The following ASTN1 variants were observed in gnomAD, a reference collection of about 807,000 sequenced individuals.
The protein encoded by ASTN1 is astrotactin-1.
In ASTN1, 41 loss-of-function variants were observed where a neutral mutation model predicts 140.7. The observed-to-expected ratio is 0.29, with a 90% CI of 0.23 to 0.38. The LOEUF (loss-of-function observed/expected upper bound fraction) is 0.38. Ranked by LOEUF, ASTN1 falls within the 10% of genes least tolerant of loss-of-function variation. ASTN1 has a pLI of 1.00. For missense variants in ASTN1, 1,479 were observed against 1,678.8 expected (o/e 0.88, Z 2.08); for synonymous variants, 640 against 652.2 (o/e 0.98, Z 0.29).
chr1:176,906,665 C>T (rs1270177905), intron 16 of ASTN1, among the ~76,000 whole-genome samples: 1 of 151,740 alleles, frequency 6.6e-6, no homozygotes, highest in Non-Finnish European at 1.5e-5. Context: ...ACCAGCCTGG[C>T]CGACAAGGTA....
At chr1:177,159,954 T>C (rs146076656) in intron 1 of ASTN1, among the ~76,000 whole-genome samples, 48 of 152,326 alleles carry the variant, frequency 3.2e-4, no homozygotes, top group African/African-American at 1.0e-3. Flanking sequence ...TAACTATTTT[T>C]TGATAAAGTT....
intron 11 of ASTN1, 63 bp from the exon 12 acceptor site, chr1:176,949,414 T>C: frequency 6.5e-7 from 1 of 1,536,104 alleles, no homozygotes; most frequent in Non-Finnish European, 8.8e-7. Flanking sequence ...CTCTGGGAAC[T>C]GAGTGTAACC....
intron 8 of ASTN1, among the ~76,000 whole-genome samples, chr1:176,996,732 G>A (rs545934609): frequency 6.6e-6 from 1 of 152,258 alleles, no homozygotes; most frequent in African/African-American, 2.4e-5. Context: ...CTTTGATGAT[G>A]TGCTCTCCCT....
intron 1 of ASTN1, among the ~76,000 whole-genome samples, chr1:177,122,091 A>T (rs1681417515): frequency 6.6e-6 from 1 of 152,166 alleles, no homozygotes; most frequent in African/African-American, 2.4e-5. Context: ...TAAAAAAGAG[A>T]TCGATGGGGA....
chr1:176,916,131 T>A (rs75737600), intron 16 of ASTN1, among the ~76,000 whole-genome samples: 3,816 of 152,320 alleles, frequency 0.025, 167 homozygotes, highest in African/African-American at 0.086. Context: ...CTAGGTCAGA[T>A]GACTGAGTCC....
At chr1:176,917,112 G>C (rs1670520288) in intron 16 of ASTN1, among the ~76,000 whole-genome samples, 2 of 152,204 alleles carry the variant, frequency 1.3e-5, no homozygotes, top group Admixed American at 6.5e-5. Flanking sequence ...GCCCCATCCA[G>C]ATCTGGAGCC....
chr1:176,986,042 C>T (rs947402950), intron 8 of ASTN1, among the ~76,000 whole-genome samples: 16 of 152,222 alleles, frequency 1.1e-4, no homozygotes, highest in East Asian at 3.9e-4. Context: ...CTGCCTCCTG[C>T]GCCCGCCTCT....
intron 1 of ASTN1, among the ~76,000 whole-genome samples, chr1:177,162,497 G>C (rs1415620424): frequency 6.6e-6 from 1 of 152,222 alleles, no homozygotes; most frequent in East Asian, 1.9e-4. Context: ...TTTGCACAGA[G>C]GTGCAGAAAA....
intron 11 of ASTN1, among the ~76,000 whole-genome samples, chr1:176,950,911 CT>C (rs1159726839): frequency 1.3e-5 from 2 of 152,126 alleles, no homozygotes; most frequent in Admixed American, 6.5e-5. Flanking sequence ...CTGGTTTGCA[CT>C]TTCTCTTTGC....
chr1:177,115,860 T>C (rs1205228994), intron 1 of ASTN1, among the ~76,000 whole-genome samples: 2 of 152,188 alleles, frequency 1.3e-5, no homozygotes, highest in Non-Finnish European at 2.9e-5. Context: ...CCGATGTATC[T>C]ACACACGCAA....
At chr1:176,950,333 C>T (rs1298469849) in intron 11 of ASTN1, among the ~76,000 whole-genome samples, 6 of 152,168 alleles carry the variant, frequency 3.9e-5, no homozygotes, top group African/African-American at 1.2e-4. Flanking sequence ...CTGCTCCTGG[C>T]AGAACCATGC....
intron 16 of ASTN1, among the ~76,000 whole-genome samples, chr1:176,933,458 A>C (rs1455394822): frequency 6.6e-6 from 1 of 152,228 alleles, no homozygotes; most frequent in Non-Finnish European, 1.5e-5. Context: ...CATGAATGGC[A>C]ATTCTAAAGC....
chr1:177,096,113 T>A (rs891053828), intron 1 of ASTN1, among the ~76,000 whole-genome samples: 1 of 152,204 alleles, frequency 6.6e-6, no homozygotes, highest in African/African-American at 2.4e-5. Context: ...AAAATGTCTA[T>A]CCTATACTTA....
chr1:177,149,172 A>AATATATATAGTGTATATATAGTAAAT (rs1229362148), intron 1 of ASTN1, among the ~76,000 whole-genome samples: 1 of 94,098 alleles, frequency 1.1e-5, no homozygotes, highest in Non-Finnish European at 1.7e-5. Context: ...ATATATAGTA[A>AATATATATAGTGTATATATAGTAAAT]ATATATAGTG....
intron 21 of ASTN1, among the ~76,000 whole-genome samples, chr1:176,869,443 A>G (rs1467231443): frequency 1.3e-5 from 2 of 152,236 alleles, no homozygotes; most frequent in Non-Finnish European, 2.9e-5. Context: ...TTTTCTAAAA[A>G]GACCTAGCTT....
Position 176,861,310 on chromosome 1 carries a change from C to T in ASTN1, c.*2974G>A. Reference sequence around the variant, plus strand: ...AAACTCCATGGAAAACGATTGCACACTCAATTAAAAGTCTAATGCTATTAC... The same window carrying T: ...AAACTCCATGGAAAACGATTGCACATTCAATTAAAAGTCTAATGCTATTAC... On this transcript the variant is annotated 3_prime_UTR_variant, in exon 23 of 23. Coordinates refer to ENST00000361833, the MANE Select transcript of ASTN1 (RefSeq NM_004319.3). The T allele has an allele frequency of 4.1e-6, 4 of 985,742 alleles. No individual in the cohort carries two copies. Among genetic ancestry groups the T allele is most frequent in the Non-Finnish European group, 4.8e-6 (4 of 829,916 alleles). 61.1% of individuals were successfully genotyped at this position (985,742 alleles called of 1,614,324 possible).
At chr1:176,999,458 A>G (rs991014219) in intron 8 of ASTN1, among the ~76,000 whole-genome samples, 2 of 152,250 alleles carry the variant, frequency 1.3e-5, no homozygotes, top group African/African-American at 4.8e-5. Context: ...GAAATGGACT[A>G]GATGGAAATA....
At chr1:176,945,072 A>T (rs1404463903) in intron 13 of ASTN1, among the ~76,000 whole-genome samples, 1 of 152,160 alleles carries the variant, frequency 6.6e-6, no homozygotes, top group Admixed American at 6.5e-5. Context: ...ATCTCCCAGA[A>T]AATATTTTCC....
intron 1 of ASTN1, among the ~76,000 whole-genome samples, chr1:177,108,667 T>C (rs1015492109): frequency 1.3e-5 from 2 of 152,188 alleles, no homozygotes; most frequent in Non-Finnish European, 2.9e-5. Context: ...TTGTGGATAA[T>C]TGGTGATGTC....
Sources: gnomAD v4.1 joint callset for allele counts (sites outside exome capture counted in the v4.1 genomes callset) on GRCh38, gnomAD v4.1.1 for gene constraint, MANE v1.5 for transcripts, NCBI Gene and HGNC (gene_info 2026-07-23, HGNC 2026-07-21) for gene names.